The following ZNF804A variants were observed in gnomAD, a reference collection of about 807,000 sequenced individuals.
ZNF804A encodes zinc finger protein 804A.
In ZNF804A, 2 loss-of-function variants were observed where a neutral mutation model predicts 16.5. The ratio of observed to expected loss-of-function variants is 0.12; its 90% confidence interval spans 0.05 to 0.38. The LOEUF (loss-of-function observed/expected upper bound fraction) is 0.38. ZNF804A is among the 10% of genes least tolerant of loss of function. The probability of loss-of-function intolerance (pLI) is 0.99; values close to 1 mark genes in which losing one functional copy is unlikely to be tolerated. For synonymous variants in ZNF804A, 534 were observed against 489.6 expected (o/e 1.09, Z -1.20); for missense variants, 1,473 against 1,390.7 (o/e 1.06, Z -0.94).
chr2:184,676,984 G>A (rs945061067), intron 1 of ZNF804A, among the ~76,000 whole-genome samples: 1 of 151,366 alleles, frequency 6.6e-6, no homozygotes, highest in Non-Finnish European at 1.5e-5. Flanking sequence ...TATTATTCAG[G>A]ATCAGGTAAA....
At chr2:184,821,098 C>CA (rs1489745547) in intron 1 of ZNF804A, among the ~76,000 whole-genome samples, 2 of 151,922 alleles carry the variant, frequency 1.3e-5, no homozygotes, top group East Asian at 3.9e-4. Flanking sequence ...AGAAAGAGCC[C>CA]AAATAGCCAA....
chr2:184,601,410 AG>A (rs1691044137), intron 1 of ZNF804A, among the ~76,000 whole-genome samples: 1 of 152,046 alleles, frequency 6.6e-6, no homozygotes, highest in South Asian at 2.1e-4. Flanking sequence ...ACTTAGAAAT[AG>A]GAAACTGGAT....
intron 1 of ZNF804A, among the ~76,000 whole-genome samples, chr2:184,631,891 T>C (rs6742269): frequency 1.2e-3 from 185 of 152,236 alleles, no homozygotes; most frequent in African/African-American, 4.0e-3. Context: ...GACACTTGGA[T>C]TTGGAGAATG....
chr2:184,878,945 T>A (rs760343342), intron 2 of ZNF804A, among the ~76,000 whole-genome samples: 9 of 152,036 alleles, frequency 5.9e-5, no homozygotes, highest in Non-Finnish European at 1.0e-4. Flanking sequence ...TTATTATGCT[T>A]ACCTATCATA....
chr2:184,768,337 A>G (rs1694161669), intron 1 of ZNF804A, among the ~76,000 whole-genome samples: 1 of 152,090 alleles, frequency 6.6e-6, no homozygotes, highest in African/African-American at 2.4e-5. Flanking sequence ...GAAGATATCA[A>G]AAGACCACTA....
chr2:184,679,068 G>A (rs1692488848), intron 1 of ZNF804A, among the ~76,000 whole-genome samples: 1 of 152,174 alleles, frequency 6.6e-6, no homozygotes, highest in African/African-American at 2.4e-5. Flanking sequence ...AGACAAAGTA[G>A]TAGAATTCCA....
chr2:184,787,039 G>T (rs1170354383), intron 1 of ZNF804A, among the ~76,000 whole-genome samples: 1 of 151,636 alleles, frequency 6.6e-6, no homozygotes, highest in East Asian at 1.9e-4. Context: ...GTTGGGGTTG[G>T]GCTTCTAGTA....
intron 1 of ZNF804A, among the ~76,000 whole-genome samples, chr2:184,659,962 T>C (rs1692142770): frequency 6.6e-6 from 1 of 152,052 alleles, no homozygotes; most frequent in African/African-American, 2.4e-5. Flanking sequence ...GGAGGTAAAA[T>C]TAGCCGGGTG....
In ZNF804A at chr2:184,933,645, G is replaced by A. The variant is rs766073072; in HGVS notation, c.298G>A (p.Ala100Thr). Residue 100 changes from alanine (A) to threonine (T), a missense_variant, in exon 3 of 4, where the codon GCA becomes ACA. Ala to Thr is a moderately conservative substitution (Grantham distance 58, BLOSUM62 0). Coordinates refer to ENST00000302277, the MANE Select transcript of ZNF804A (RefSeq NM_194250.2). ...ACAAAGGGAATTTGCTCGAAATGTA[G>A]CATCTAAATCCAGGAAAGATGAAAG... ...LKQREFARNV[A>T]SKSRKDERKQ... is the part of the protein sequence containing the mutation. 9.9e-6 allele frequency: 16 copies of A among 1,608,370 alleles called. No individual in the cohort carries two copies. The highest frequency in any genetic ancestry group is 1.4e-5 in the Non-Finnish European group (16 of 1,178,162).
intron 1 of ZNF804A, among the ~76,000 whole-genome samples, chr2:184,691,558 T>A (rs186706986): frequency 6.6e-6 from 1 of 151,880 alleles, no homozygotes; most frequent in African/African-American, 2.4e-5. Flanking sequence ...TAAATAGACA[T>A]CAGCACAAAC....
chr2:184,619,767 C>T (rs1691388120), intron 1 of ZNF804A, among the ~76,000 whole-genome samples: 1 of 151,642 alleles, frequency 6.6e-6, no homozygotes, highest in South Asian at 2.1e-4. Flanking sequence ...AATAAATTAT[C>T]GTTATTTATA....
At chr2:184,917,626 A>G (rs1685470602) in intron 2 of ZNF804A, among the ~76,000 whole-genome samples, 1 of 152,070 alleles carries the variant, frequency 6.6e-6, no homozygotes, top group South Asian at 2.1e-4. Flanking sequence ...ATTATTAGTT[A>G]TCGTTAATCT....
rs139759719 is a variant in ZNF804A at position 184,638,777 on chromosome 2, A to G, written c.111+39707A>G. 9.7e-3 allele frequency among the ~76,000 whole-genome samples: 1,463 copies of G among 151,546 alleles called. 26 individuals carry two copies. The highest frequency in any genetic ancestry group is 0.034 in the African/African-American group (1,394 of 40,840). On this transcript the variant is annotated intron_variant, in intron 1 of 3. Transcript: ENST00000302277. Reference sequence around the variant, plus strand: ...TGCATGTTTCAATGGTTTAAAAATCACAGATATTTTTATCTTCATCACATA... The same window carrying G: ...TGCATGTTTCAATGGTTTAAAAATCGCAGATATTTTTATCTTCATCACATA...
At chr2:184,814,984 T>G (rs1694959968) in intron 1 of ZNF804A, among the ~76,000 whole-genome samples, 2 of 152,008 alleles carry the variant, frequency 1.3e-5, no homozygotes, top group Admixed American at 6.6e-5. Flanking sequence ...AACTCTGAGT[T>G]TTGCTTTGGA....
At chr2:184,799,749 C>T (rs1183494758) in intron 1 of ZNF804A, among the ~76,000 whole-genome samples, 5 of 151,762 alleles carry the variant, frequency 3.3e-5, no homozygotes, top group South Asian at 2.1e-4. Flanking sequence ...TGCCATGTTG[C>T]GCCAGGCTGG....
At chr2:184,812,448 A>G (rs1694916239) in intron 1 of ZNF804A, among the ~76,000 whole-genome samples, 2 of 152,168 alleles carry the variant, frequency 1.3e-5, no homozygotes, top group South Asian at 4.1e-4. Flanking sequence ...AACACAATGG[A>G]ATAAAGAACT....
intron 2 of ZNF804A, among the ~76,000 whole-genome samples, chr2:184,926,855 T>A (rs997660708): frequency 6.6e-6 from 1 of 152,206 alleles, no homozygotes; most frequent in Non-Finnish European, 1.5e-5. Flanking sequence ...CTGCTTGCTT[T>A]AATTATGTCA....
rs559502154 is a variant in ZNF804A at position 184,645,471 on chromosome 2, G to A, written c.111+46401G>A. 2.6e-5 allele frequency among the ~76,000 whole-genome samples: 4 copies of A among 152,202 alleles called. No individual in the cohort carries two copies. The South Asian group carries it at 8.3e-4, about 32-fold the overall frequency. On this transcript the variant is annotated intron_variant, in intron 1 of 3. Transcript: ENST00000302277. ...TGACTTTCTGTTTTTCATAGTGGGA[G>A]GTGATGAACGTTTTTAAATATTCAT...
intron 1 of ZNF804A, among the ~76,000 whole-genome samples, chr2:184,713,924 TTAAG>T (rs1353907812): frequency 6.6e-6 from 1 of 151,946 alleles, no homozygotes; most frequent in Non-Finnish European, 1.5e-5. Flanking sequence ...GCATGGGAAA[TTAAG>T]TAAGGTCATT....
Sources: gnomAD v4.1 joint callset for allele counts (sites outside exome capture counted in the v4.1 genomes callset) on GRCh38, gnomAD v4.1.1 for gene constraint, MANE v1.5 for transcripts, NCBI Gene and HGNC (gene_info 2026-07-23, HGNC 2026-07-21) for gene names.